CCSER1: variants seen among roughly 807,000 people sequenced by gnomAD.
CCSER1 encodes the protein coiled-coil serine rich protein 1.
In CCSER1, 41 loss-of-function variants were observed where a neutral mutation model predicts 82.0. The ratio of observed to expected loss-of-function variants is 0.50; its 90% CI spans 0.39 to 0.65. CCSER1 has a LOEUF of 0.65. CCSER1 is among the 30% of genes least tolerant of loss of function. CCSER1 has a pLI of 0.00. For missense variants in CCSER1, 1,119 were observed against 1,064.2 expected, an observed-to-expected ratio of 1.05 and a Z score of -0.72; for synonymous variants, 414 against 383.9, an observed-to-expected ratio of 1.08 and a Z score of -0.92.
chr4:90,795,731 T>C (rs958836958), intron 7 of CCSER1, among the ~76,000 whole-genome samples: 1 of 152,172 alleles, frequency 6.6e-6, no homozygotes, highest in Non-Finnish European at 1.5e-5. Context: ...TTGAATGCCT[T>C]TTCTGCATCT....
chr4:90,159,260 C>A (rs566131158), intron 1 of CCSER1, among the ~76,000 whole-genome samples: 3 of 152,114 alleles, frequency 2.0e-5, no homozygotes, highest in Admixed American at 2.0e-4. Flanking sequence ...ACCCAGGCTG[C>A]TCTCAAACTC....
intron 9 of CCSER1, among the ~76,000 whole-genome samples, chr4:91,037,186 TC>T (rs774744130): frequency 5.2e-4 from 79 of 151,950 alleles, no homozygotes; most frequent in Admixed American, 6.6e-4. Context: ...ATACTGCTCT[TC>T]CCTTCTGTCC....
intron 1 of CCSER1, among the ~76,000 whole-genome samples, chr4:90,168,519 C>T (rs2153373311): frequency 6.6e-6 from 1 of 152,216 alleles, no homozygotes; most frequent in African/African-American, 2.4e-5. Context: ...GTTACCATTG[C>T]TTTTGGTGTT....
intron 5 of CCSER1, among the ~76,000 whole-genome samples, chr4:90,615,123 C>T (rs982987601): frequency 6.6e-6 from 1 of 151,940 alleles, no homozygotes; most frequent in Non-Finnish European, 1.5e-5. Flanking sequence ...ATATTTTAAG[C>T]CCACTGTTGA....
chr4:90,140,959 C>G (rs1334174951), intron 1 of CCSER1, among the ~76,000 whole-genome samples: 2 of 151,868 alleles, frequency 1.3e-5, no homozygotes, highest in Non-Finnish European at 2.9e-5. Flanking sequence ...GCCACCGCGC[C>G]CGGCCTTGGT....
intron 1 of CCSER1, among the ~76,000 whole-genome samples, chr4:90,217,082 G>T (rs1198534908): frequency 6.6e-6 from 1 of 152,084 alleles, no homozygotes; most frequent in Non-Finnish European, 1.5e-5. Flanking sequence ...ATTTGACTTG[G>T]ATGTTATTGG....
At chr4:90,797,403 A>G (rs573749086) in intron 7 of CCSER1, among the ~76,000 whole-genome samples, 16 of 152,274 alleles carry the variant, frequency 1.1e-4, no homozygotes, top group African/African-American at 3.8e-4. Flanking sequence ...TGAAGACAGC[A>G]TACCAATGGG....
At chr4:91,406,477 G>C (rs1248467423) in intron 10 of CCSER1, among the ~76,000 whole-genome samples, 1 of 151,884 alleles carries the variant, frequency 6.6e-6, no homozygotes, top group Non-Finnish European at 1.5e-5. Context: ...ATAATATGTC[G>C]ACTCTTTAAA....
At chr4:90,397,382 A>C (rs568129944) in intron 3 of CCSER1, among the ~76,000 whole-genome samples, 1 of 152,360 alleles carries the variant, frequency 6.6e-6, no homozygotes, top group Non-Finnish European at 1.5e-5. Context: ...CTGTTCAAAA[A>C]ATAAAATATT....
chr4:90,592,976 A>G (rs1216261020), intron 5 of CCSER1, among the ~76,000 whole-genome samples: 2 of 152,150 alleles, frequency 1.3e-5, no homozygotes, highest in African/African-American at 4.8e-5. Context: ...TCAAGTGAGA[A>G]CCATTTGCAC....
intron 7 of CCSER1, among the ~76,000 whole-genome samples, chr4:90,810,571 G>C (rs1758123811): frequency 6.6e-6 from 1 of 151,776 alleles, no homozygotes; most frequent in Non-Finnish European, 1.5e-5. Flanking sequence ...ATTGAACCTG[G>C]GAGGCAGATG....
intron 5 of CCSER1, among the ~76,000 whole-genome samples, chr4:90,481,140 A>T (rs1031867945): frequency 1.3e-5 from 2 of 152,188 alleles, no homozygotes; most frequent in Admixed American, 6.5e-5. Context: ...CATTGAAGCA[A>T]TTATGAATGG....
intron 7 of CCSER1, chr4:90,781,010 A>T (rs966378079): frequency 5.5e-6 from 1 of 181,010 alleles, no homozygotes; most frequent in African/African-American, 2.4e-5. Context: ...AAGCAGGCAC[A>T]TTGCATGGTG....
At chr4:91,269,404 G>C (rs4350972) in intron 10 of CCSER1, among the ~76,000 whole-genome samples, 1 of 147,508 alleles carries the variant, frequency 6.8e-6, no homozygotes, top group African/African-American at 2.4e-5. Context: ...TGTTAACCCA[G>C]GTCTTCTAAT....
intron 9 of CCSER1, among the ~76,000 whole-genome samples, chr4:90,992,620 A>G (rs1737139157): frequency 6.6e-6 from 1 of 152,016 alleles, no homozygotes; most frequent in Admixed American, 6.6e-5. Context: ...ATTATAAGAT[A>G]TTATGATTAT....
intron 4 of CCSER1, among the ~76,000 whole-genome samples, chr4:90,415,585 G>C (rs1755667126): frequency 6.6e-6 from 1 of 152,134 alleles, no homozygotes; most frequent in South Asian, 2.1e-4. Flanking sequence ...TAACCACTGG[G>C]TAACAAATAA....
intron 8 of CCSER1, among the ~76,000 whole-genome samples, chr4:90,890,019 T>C (rs1414479516): frequency 6.6e-6 from 1 of 152,150 alleles, no homozygotes; most frequent in Non-Finnish European, 1.5e-5. Context: ...AAAACTCTGT[T>C]GAATCACAAT....
At chr4:90,481,300 A>G (rs546289523) in intron 5 of CCSER1, among the ~76,000 whole-genome samples, 5 of 152,272 alleles carry the variant, frequency 3.3e-5, no homozygotes, top group Admixed American at 2.6e-4. Context: ...TAGATATACA[A>G]TCATGTCATC....
intron 10 of CCSER1, among the ~76,000 whole-genome samples, chr4:91,205,844 A>G (rs1255668363): frequency 6.6e-6 from 1 of 151,898 alleles, no homozygotes; most frequent in East Asian, 1.9e-4. Flanking sequence ...AATAAATAAC[A>G]AATATTTATT....
Sources: allele counts gnomAD v4.1 joint callset (sites outside exome capture counted in the v4.1 genomes callset), GRCh38; gene constraint gnomAD v4.1.1; transcripts MANE v1.5; gene names NCBI Gene and HGNC (gene_info 2026-07-23, HGNC 2026-07-21).